Variants in IMMP2L observed in about 807,000 individuals in gnomAD.
The protein encoded by IMMP2L is inner mitochondrial membrane peptidase subunit 2, also known as mitochondrial inner membrane protease subunit 2.
Under a neutral mutation model 19.3 loss-of-function variants are expected in IMMP2L, and 18 were observed. That is an observed-to-expected ratio of 0.93 (90% CI 0.64 to 1.38). The LOEUF (loss-of-function observed/expected upper bound fraction) is 1.38. Ranked by LOEUF, IMMP2L falls within the 40% of genes most tolerant of loss-of-function variation. IMMP2L has a pLI of 0.00. For synonymous variants in IMMP2L, 76 were observed against 73.0 expected, an observed-to-expected ratio of 1.04 and a Z score of -0.21; for missense variants, 233 against 218.2, an observed-to-expected ratio of 1.07 and a Z score of -0.43.
intron 5 of IMMP2L, among the ~76,000 whole-genome samples, chr7:110,825,867 C>T (rs549854594): frequency 3.3e-5 from 5 of 151,936 alleles, no homozygotes; most frequent in Non-Finnish European, 5.9e-5. Context: ...AGCTTCTGCA[C>T]AGCAAAAGAA....
intron 3 of IMMP2L, among the ~76,000 whole-genome samples, chr7:111,446,459 C>A (rs1194408918): frequency 1.3e-5 from 2 of 149,822 alleles, no homozygotes; most frequent in African/African-American, 5.1e-5. Context: ...TGACACCTCA[C>A]ACGGCAGGGT....
intron 5 of IMMP2L, among the ~76,000 whole-genome samples, chr7:110,787,041 GA>G (rs1001338531): frequency 4.0e-5 from 6 of 151,352 alleles, no homozygotes; most frequent in South Asian, 2.1e-4. Context: ...CAGGAAAAAA[GA>G]AAAAAAATAC....
At position 110,877,422 on chromosome 7, in the gene IMMP2L, G is replaced by T. The variant is rs999479697; in HGVS notation, c.408+9171C>A. 1.3e-5 allele frequency among the ~76,000 whole-genome samples: 2 copies of T among 152,166 alleles called. No individual in the cohort carries two copies. The highest frequency in any genetic ancestry group is 1.3e-4 in the Admixed American group (2 of 15,248). ...TAGTCAGAAGCAAAACTTCATGTTA[G>T]AGTAGGTCTGGGAGTAGTCATTGTC... On this transcript the variant is annotated intron_variant, in intron 5 of 5. Transcript: ENST00000405709. The surrounding 1 kb of genome is among the most constrained non-coding windows in gnomAD (Gnocchi z 4.0).
At chr7:110,999,935 GAGAGTGAGAAACTCCCTCAATTGGC>G (rs1354624255) in intron 3 of IMMP2L, among the ~76,000 whole-genome samples, 1 of 152,122 alleles carries the variant, frequency 6.6e-6, no homozygotes, top group Non-Finnish European at 1.5e-5. Flanking sequence ...GTTAAGATGA[GAGAGTGAGAAACTCCCTCAATTGGC>G]AGAGTAAGAA....
intron 3 of IMMP2L, among the ~76,000 whole-genome samples, chr7:111,099,221 C>A (rs548948183): frequency 3.8e-4 from 57 of 151,740 alleles, no homozygotes; most frequent in African/African-American, 1.4e-3. Context: ...GCTCATTGGT[C>A]TCAAATTTCA....
At chr7:111,455,560 C>A (rs1839608823) in intron 3 of IMMP2L, among the ~76,000 whole-genome samples, 1 of 150,838 alleles carries the variant, frequency 6.6e-6, no homozygotes, top group Non-Finnish European at 1.5e-5. Context: ...ATGAATGAAT[C>A]CAAAGCACCA....
intron 3 of IMMP2L, among the ~76,000 whole-genome samples, chr7:111,092,091 G>A (rs753512231): frequency 3.9e-5 from 6 of 152,178 alleles, no homozygotes; most frequent in Non-Finnish European, 7.4e-5. Context: ...GTAGCAGAAT[G>A]AGCATATCAC....
intron 5 of IMMP2L, among the ~76,000 whole-genome samples, chr7:110,802,274 A>C (rs1801304603): frequency 6.6e-6 from 1 of 151,300 alleles, no homozygotes; most frequent in African/African-American, 2.4e-5. Context: ...GGTGGTATGG[A>C]TTGTATTTCA....
At chr7:110,958,434 C>A (rs1285996983) in intron 4 of IMMP2L, among the ~76,000 whole-genome samples, 1 of 152,022 alleles carries the variant, frequency 6.6e-6, no homozygotes, top group Admixed American at 6.6e-5. Flanking sequence ...TCCATAATTT[C>A]AAACAAATCT....
At chr7:110,813,269 G>A (rs772012141) in intron 5 of IMMP2L, among the ~76,000 whole-genome samples, 4 of 151,846 alleles carry the variant, frequency 2.6e-5, no homozygotes, top group African/African-American at 4.8e-5. Flanking sequence ...ATTCATTTGA[G>A]CAAAAATTGA....
At chr7:111,336,482 C>CAAAAA (rs1826420018) in intron 3 of IMMP2L, among the ~76,000 whole-genome samples, 2 of 152,056 alleles carry the variant, frequency 1.3e-5, no homozygotes, top group Admixed American at 6.6e-5. Context: ...TATGTTTTAT[C>CAAAAA]TATCTTTGAT....
At chr7:111,527,847 T>C (rs1402100656) in intron 1 of IMMP2L, among the ~76,000 whole-genome samples, 1 of 151,294 alleles carries the variant, frequency 6.6e-6, no homozygotes. Context: ...ATGTGGGAGA[T>C]GTCTCAATCT....
chr7:111,402,167 ATAATAT>A (rs1379495953), intron 3 of IMMP2L, among the ~76,000 whole-genome samples: 26 of 137,998 alleles, frequency 1.9e-4, no homozygotes, highest in African/African-American at 2.9e-4. Context: ...AATAATAATA[ATAATAT>A]TAAGTTAGGA....
At chr7:111,054,184 A>G (rs2129573475) in intron 3 of IMMP2L, among the ~76,000 whole-genome samples, 1 of 152,334 alleles carries the variant, frequency 6.6e-6, no homozygotes, top group African/African-American at 2.4e-5. Flanking sequence ...CAGGAATTTA[A>G]AATTCACCCA....
chr7:111,113,530 T>G (rs757563842), intron 3 of IMMP2L, among the ~76,000 whole-genome samples: 3 of 152,180 alleles, frequency 2.0e-5, no homozygotes, highest in African/African-American at 4.8e-5. Context: ...ATTTATTTTT[T>G]TCTTTTAACT....
At chr7:111,253,091 A>G (rs1175766570) in intron 3 of IMMP2L, among the ~76,000 whole-genome samples, 1 of 152,186 alleles carries the variant, frequency 6.6e-6, no homozygotes, top group Non-Finnish European at 1.5e-5. Flanking sequence ...GAAATGAAAT[A>G]TGGAAAAGAC....
chr7:111,444,642 A>G (rs540456769), intron 3 of IMMP2L, among the ~76,000 whole-genome samples: 1 of 152,180 alleles, frequency 6.6e-6, no homozygotes, highest in Non-Finnish European at 1.5e-5. Context: ...CATCTTTATC[A>G]AGTATTTAAC....
At chr7:111,075,771 G>A (rs1726724927) in intron 3 of IMMP2L, among the ~76,000 whole-genome samples, 1 of 152,014 alleles carries the variant, frequency 6.6e-6, no homozygotes, top group African/African-American at 2.4e-5. Flanking sequence ...ACATGCTGAT[G>A]ACTTCTAAAT....
intron 3 of IMMP2L, among the ~76,000 whole-genome samples, chr7:111,033,953 T>C (rs1339354859): frequency 6.6e-6 from 1 of 152,134 alleles, no homozygotes; most frequent in Non-Finnish European, 1.5e-5. Context: ...GAGAATAAAC[T>C]ATAGTGACAT....
Sources: gnomAD v4.1 joint callset for allele counts (sites outside exome capture counted in the v4.1 genomes callset) on GRCh38, gnomAD v4.1.1 for gene constraint, Gnocchi (gnomAD v3.1) non-coding constraint, MANE v1.5 for transcripts, NCBI Gene and HGNC (gene_info 2026-07-23, HGNC 2026-07-21) for gene names.